Variants in RFWD3 observed in about 807,000 individuals in gnomAD.
RFWD3 encodes the protein E3 ubiquitin-protein ligase RFWD3.
A neutral mutation model predicts 87.7 loss-of-function variants in RFWD3; 65 were observed. The observed-to-expected ratio is 0.74, with a 90% CI of 0.61 to 0.91. The LOEUF is 0.91. Among genes scored for constraint, RFWD3 ranks in the 40% least tolerant of loss-of-function variants. The pLI, the probability that RFWD3 is intolerant of heterozygous loss-of-function variation, is 0.00. For missense variants in RFWD3, 1,078 were observed against 938.5 expected (o/e 1.15, Z -1.94); for synonymous variants, 433 against 352.8 (o/e 1.23, Z -2.55).
chr16:74,656,521 C>T (rs1029184920), intron 2 of RFWD3, among the ~76,000 whole-genome samples: 7 of 151,844 alleles, frequency 4.6e-5, no homozygotes, highest in African/African-American at 1.7e-4. Context: ...CTGGCTCTGT[C>T]ACCCAGGCTG....
At position 74,632,556 on chromosome 16, in the gene RFWD3, G is replaced by C; in HGVS notation, c.1544C>G (p.Ser515Cys). 1 of 1,614,094 alleles carries C rather than the reference G, an allele frequency of 6.2e-7. No homozygotes were observed. Among genetic ancestry groups the C allele is most frequent in the East Asian group, 2.2e-5 (1 of 44,878 alleles). Residue 515 changes from serine (S) to cysteine (C), a missense_variant, in exon 9 of 13, where the codon TCT (serine) becomes TGT (cysteine). Coordinates refer to ENST00000361070, the MANE Select transcript of RFWD3 (RefSeq NM_018124.4). Reference sequence around the variant, plus strand: ...TTTAATAGTGTTGTCTAGGGAAGCAGAGAGTAGCAAGCCTCTGAGGTAACT... The same window carrying C: ...TTTAATAGTGTTGTCTAGGGAAGCACAGAGTAGCAAGCCTCTGAGGTAACT... ...FSSYLRGLLL[S>C]ASLDNTIKLT...
intron 1 of RFWD3, chr16:74,664,796 T>A (rs1438595189): frequency 6.6e-6 from 1 of 151,758 alleles, no homozygotes; most frequent in Non-Finnish European, 1.5e-5. Flanking sequence ...GTCGTGCAGG[T>A]CACATTTCAA....
At position 74,622,693 on chromosome 16, in the gene RFWD3, T is replaced by C. The variant is rs1248887783; in HGVS notation, c.*1235A>G. On this transcript the variant is annotated 3_prime_UTR_variant, in exon 13 of 13. Coordinates refer to ENST00000361070, the MANE Select transcript of RFWD3 (RefSeq NM_018124.4). ...CAGACTGTTAAGCCATTTTCTCCCA[T>C]GAACAGGACACTGACCTGCCCACAT... 6.6e-6 allele frequency: 1 copy of C among 152,150 alleles called. No individual in the cohort carries two copies. Among genetic ancestry groups the C allele is most frequent in the African/African-American group, 2.4e-5 (1 of 41,446 alleles). 9.4% of individuals were successfully genotyped at this position (152,150 alleles called of 1,614,324 possible).
In RFWD3 at chr16:74,660,946, CCT is replaced by C; in HGVS notation, c.502_503del (p.Arg168AspfsTer22). The C allele has an allele frequency of 6.2e-7, 1 of 1,613,008 alleles. No homozygotes were observed. The highest frequency in any genetic ancestry group is 1.3e-5 in the African/African-American group (1 of 74,998). ...SRRARAGGSQ[R>X]TDSARLRAPL... ...TATTTATTTACCTGGCACTGTCTGT[CCT>C]CTGAGACCCTCCGGCTCTTGCCCTC... On this transcript the variant is annotated frameshift_variant, in exon 2 of 13. Transcript: ENST00000361070. LOFTEE classifies it high-confidence loss of function.
chr16:74,624,083 A>T lies in RFWD3; in HGVS notation c.2182-12T>A. On this transcript the variant is annotated splice_polypyrimidine_tract_variant and intron_variant, in intron 12 of 12. Coordinates refer to ENST00000361070, the MANE Select transcript of RFWD3 (RefSeq NM_018124.4). ...GCAGCATCCCACAGCTAAAGAACACAAGCAGAGGGAAGGGTCAGGAGTCAG... is the reference window on the plus strand; with the variant it reads ...GCAGCATCCCACAGCTAAAGAACACTAGCAGAGGGAAGGGTCAGGAGTCAG... 6.2e-7 allele frequency: 1 copy of T among 1,613,006 alleles called. No homozygotes were observed. Among genetic ancestry groups the T allele is most frequent in the Non-Finnish European group, 8.5e-7 (1 of 1,179,504 alleles).
At position 74,622,253 on chromosome 16, in the gene RFWD3, ATTAAC is replaced by A. The variant is rs1295771840; in HGVS notation, c.*1670_*1674del. ...TAGGCCTGGGCAACCACTCTTAATC[ATTAAC>A]ATATCAAAAGGAGTATCTCCTCTGA... is the stretch of plus-strand genomic sequence containing the variant. On this transcript the variant is annotated 3_prime_UTR_variant, in exon 13 of 13. Transcript: ENST00000361070. 2.0e-5 allele frequency: 3 copies of A among 152,178 alleles called. No individual in the cohort carries two copies. The East Asian group carries it at 5.8e-4, about 29-fold the overall frequency. The allele number at this position is 152,178 out of a possible 1,614,324, so 9.4% of individuals were successfully genotyped here. A position where few individuals can be genotyped will look rare whatever the true frequency, so the allele number is the denominator to read the frequency against.
At chr16:74,641,541 A>G (rs951696231) in intron 6 of RFWD3, among the ~76,000 whole-genome samples, 10 of 152,178 alleles carry the variant, frequency 6.6e-5, no homozygotes, top group African/African-American at 2.4e-4. Context: ...CCATGTATCA[A>G]CTAGGATATA....
At chr16:74,657,804 T>C (rs1961116227) in intron 2 of RFWD3, among the ~76,000 whole-genome samples, 1 of 152,138 alleles carries the variant, frequency 6.6e-6, no homozygotes, top group South Asian at 2.1e-4. Context: ...GCTAAGCAAG[T>C]TTACCAACTC....
Position 74,626,213 on chromosome 16 carries a change from T to C in RFWD3, c.2181+130A>G, listed in dbSNP as rs553509447. On this transcript the variant is annotated intron_variant, in intron 12 of 12. Transcript: ENST00000361070. ...TCTCACATACACACATATGCGGATA[T>C]GTGGGATTACAGAGCAGAACTTACA... 1.6e-4 allele frequency: 121 copies of C among 761,200 alleles called. No homozygotes were observed. The African/African-American group carries it at 2.0e-3, about 12-fold the overall frequency. 47.2% of individuals were successfully genotyped at this position (761,200 alleles called of 1,614,324 possible). A position where few individuals can be genotyped will look rare whatever the true frequency, so the allele number is the denominator to read the frequency against.
chr16:74,636,078 CT>C (rs1355270078), intron 8 of RFWD3, among the ~76,000 whole-genome samples: 2 of 152,164 alleles, frequency 1.3e-5, no homozygotes, highest in African/African-American at 4.8e-5. Context: ...CCTTCTTGGA[CT>C]ATATCAGTAA....
intron 3 of RFWD3, 50 bp from the exon 4 acceptor site, chr16:74,649,252 A>C: frequency 7.4e-7 from 1 of 1,348,782 alleles, no homozygotes; most frequent in Non-Finnish European, 1.0e-6. Flanking sequence ...ACAAAATAAG[A>C]TATGTCAGGT....
In RFWD3 at chr16:74,628,644, A is replaced by G; in HGVS notation, c.1777T>C (p.Tyr593His). 1 of 1,614,160 alleles carries G rather than the reference A, an allele frequency of 6.2e-7. No homozygotes were observed. The highest frequency in any genetic ancestry group is 8.5e-7 in the Non-Finnish European group (1 of 1,180,034). The change falls in exon 11 of 13, where the codon TAC becomes CAC. Residue 593 changes from tyrosine to histidine, a missense_variant. Tyr to His is a moderately conservative substitution (Grantham distance 83). Coordinates refer to ENST00000361070, the MANE Select transcript of RFWD3 (RefSeq NM_018124.4). ...GCAGCTGAGGCAGCTCTGGGCATGT[A>G]TGACAGGGAGACCAGTGGGCATCTG... is the stretch of plus-strand genomic sequence containing the variant. The part of the protein sequence containing the change: ...KARCPLVSLS[Y>H]MPRAASAAFP...
chr16:74,652,758 T>G (rs1036748907), intron 2 of RFWD3, among the ~76,000 whole-genome samples: 10 of 152,342 alleles, frequency 6.6e-5, no homozygotes, highest in Non-Finnish European at 1.2e-4. Context: ...TAACCACTAC[T>G]GTACCTCAGT....
chr16:74,626,451 A>C lies in RFWD3; in HGVS notation c.2073T>G (p.Phe691Leu). 1 of 1,614,140 alleles carries C rather than the reference A, an allele frequency of 6.2e-7. No individual in the cohort carries two copies. Residue 691 changes from phenylalanine to leucine, a missense_variant, in exon 12 of 13, where the codon TTT becomes TTG. Phe to Leu is a conservative substitution (Grantham distance 22). Coordinates refer to ENST00000361070, the MANE Select transcript of RFWD3 (RefSeq NM_018124.4). ...TCAATAGTTTGCAAGTAGGTCCTCC[A>C]AAAAATGTATGTACAGGCTGGCAGG... ...ICSCQPVHTF[F>L]GGPTCKLLTK...
intron 1 of RFWD3, 76 bp from the exon 2 acceptor site, chr16:74,661,527 A>G (rs1429517205): frequency 2.3e-6 from 3 of 1,279,082 alleles, no homozygotes; most frequent in African/African-American, 1.5e-5. Context: ...ATCATATTTA[A>G]TCTTTCTGAT....
At chr16:74,635,023 G>A (rs1261426563) in intron 8 of RFWD3, among the ~76,000 whole-genome samples, 2 of 152,078 alleles carry the variant, frequency 1.3e-5, no homozygotes, top group South Asian at 4.1e-4. Flanking sequence ...GCTCACGCCT[G>A]TAATCCCAGC....
chr16:74,642,332 C>T (rs2144175201), intron 6 of RFWD3, among the ~76,000 whole-genome samples: 1 of 152,164 alleles, frequency 6.6e-6, no homozygotes, highest in Non-Finnish European at 1.5e-5. Context: ...CCATGCTGCT[C>T]AGGCTGGTCT....
intron 2 of RFWD3, among the ~76,000 whole-genome samples, chr16:74,657,907 A>C (rs1330372312): frequency 6.6e-6 from 1 of 152,230 alleles, no homozygotes; most frequent in Non-Finnish European, 1.5e-5. Flanking sequence ...AATCAAATAC[A>C]TACTAGAGTT....
chr16:74,635,201 C>T (rs577693984), intron 8 of RFWD3, among the ~76,000 whole-genome samples: 10 of 151,800 alleles, frequency 6.6e-5, no homozygotes, highest in East Asian at 1.9e-4. Flanking sequence ...GGCATGAACC[C>T]GAGAGGTGGA....
Sources: gnomAD v4.1 joint callset for allele counts (sites outside exome capture counted in the v4.1 genomes callset) on GRCh38, gnomAD v4.1.1 for gene constraint, MANE v1.5 for transcripts, NCBI Gene and HGNC (gene_info 2026-07-23, HGNC 2026-07-21) for gene names.